HAPLN1: variants seen among roughly 807,000 people sequenced by gnomAD.
The protein encoded by HAPLN1 is Cartilage link protein.
Under a neutral mutation model 36.5 loss-of-function variants are expected in HAPLN1, and 13 were observed. The ratio of observed to expected loss-of-function variants is 0.36; its 90% CI spans 0.23 to 0.57. HAPLN1 has a LOEUF of 0.57. Among genes scored for constraint, HAPLN1 ranks in the 20% least tolerant of loss-of-function variants. HAPLN1 has a pLI of 0.83. For missense variants in HAPLN1, 407 were observed against 439.7 expected, an observed-to-expected ratio of 0.93 and a Z score of 0.66; for synonymous variants, 202 against 169.8, an observed-to-expected ratio of 1.19 and a Z score of -1.48.
Position 83,641,725 on chromosome 5 carries a change from C to A in HAPLN1, c.836G>T (p.Cys279Phe). The A allele has an allele frequency of 6.2e-7, 1 of 1,614,160 alleles. No individual in the cohort carries two copies. The highest frequency in any genetic ancestry group is 8.5e-7 in the Non-Finnish European group (1 of 1,180,040). ...TGCAATCTGAGCACCATCATTGAGA[C>A]AAGCTTGCACCGCTTCATCATAGGT... ...KLTYDEAVQA[C>F]LNDGAQIAKV... Residue 279 changes from cysteine to phenylalanine, a missense_variant, in exon 5 of 5, where the codon TGT (cysteine) becomes TTT (phenylalanine). Physicochemically the swap from Cys to Phe is radical, Grantham distance 205. Coordinates refer to ENST00000274341, the MANE Select transcript of HAPLN1 (RefSeq NM_001884.4).
At chr5:83,655,303 G>T (rs545659552) in intron 2 of HAPLN1, among the ~76,000 whole-genome samples, 1 of 152,226 alleles carries the variant, frequency 6.6e-6, no homozygotes, top group South Asian at 2.1e-4. Flanking sequence ...TTTTTCTGTG[G>T]TTAACTGTAA....
chr5:83,657,368 G>A (rs1371099334), intron 2 of HAPLN1, among the ~76,000 whole-genome samples: 2 of 152,164 alleles, frequency 1.3e-5, no homozygotes, highest in African/African-American at 4.8e-5. Flanking sequence ...AAAGTGCTGG[G>A]ATTATAGGCG....
chr5:83,706,220 A>G (rs942588775), intron 1 of HAPLN1, among the ~76,000 whole-genome samples: 2 of 152,144 alleles, frequency 1.3e-5, no homozygotes, highest in African/African-American at 2.4e-5. Flanking sequence ...CTCCTCCCCA[A>G]CTCATTCTAT....
In HAPLN1 at chr5:83,652,839, G is replaced by GAA. The variant is rs760495727; in HGVS notation, c.101-17_101-16dup. On this transcript the variant is annotated splice_polypyrimidine_tract_variant and intron_variant, in intron 2 of 4. Coordinates refer to ENST00000274341, the MANE Select transcript of HAPLN1 (RefSeq NM_001884.4). Reference sequence around the variant, plus strand: ...GCCATTTTCTGCTATAATTAAAAAGGAAAAAAAAAAGAAAATAACTATTAA... The same window carrying GAA: ...GCCATTTTCTGCTATAATTAAAAAGGAAAAAAAAAAAAGAAAATAACTATTAA... The GAA allele has an allele frequency of 7.8e-6, 11 of 1,413,878 alleles. No homozygotes were observed. Among genetic ancestry groups the GAA allele is most frequent in the African/African-American group, 1.5e-5 (1 of 66,584 alleles). 87.6% of individuals were successfully genotyped at this position (1,413,878 alleles called of 1,614,324 possible).
At chr5:83,686,779 A>C (rs2112615025) in intron 1 of HAPLN1, among the ~76,000 whole-genome samples, 1 of 152,294 alleles carries the variant, frequency 6.6e-6, no homozygotes, top group Non-Finnish European at 1.5e-5. Context: ...AATGGGTGGG[A>C]GTAGACAGTA....
At chr5:83,687,804 T>C (rs897691764) in intron 1 of HAPLN1, among the ~76,000 whole-genome samples, 4 of 152,192 alleles carry the variant, frequency 2.6e-5, no homozygotes, top group African/African-American at 9.7e-5. Context: ...GAATATCCCA[T>C]TGTTTTTGCT....
At chr5:83,693,302 C>A (rs889478288) in intron 1 of HAPLN1, among the ~76,000 whole-genome samples, 1 of 151,642 alleles carries the variant, frequency 6.6e-6, no homozygotes, top group Non-Finnish European at 1.5e-5. Context: ...ACTATAAAAC[C>A]TAAAGCAGCC....
In HAPLN1 at chr5:83,682,724, A is replaced by G. The variant is rs111512020; in HGVS notation, c.-26-9175T>C. 1.1e-3 allele frequency among the ~76,000 whole-genome samples: 162 copies of G among 152,326 alleles called. 2 individuals carry two copies. The highest frequency in any genetic ancestry group is 3.8e-3 in the African/African-American group (157 of 41,578). On this transcript the variant is annotated intron_variant, in intron 1 of 4. Transcript: ENST00000274341. ...CACAGCTCAAAAAAGGGAAAATACA[A>G]TATCTTCCAATTAATTTAGCAAATA...
intron 2 of HAPLN1, among the ~76,000 whole-genome samples, chr5:83,665,454 C>G (rs1220355289): frequency 6.6e-6 from 1 of 152,122 alleles, no homozygotes; most frequent in East Asian, 1.9e-4. Flanking sequence ...CAAGCTAAAG[C>G]AGGGAGGGAA....
intron 2 of HAPLN1, among the ~76,000 whole-genome samples, chr5:83,664,432 G>T (rs1042347980): frequency 6.6e-6 from 1 of 151,984 alleles, no homozygotes; most frequent in Non-Finnish European, 1.5e-5. Flanking sequence ...ACCCAGGCTG[G>T]AGTGCAGTGG....
chr5:83,658,505 T>G (rs1427527406), intron 2 of HAPLN1, among the ~76,000 whole-genome samples: 2 of 152,198 alleles, frequency 1.3e-5, no homozygotes, highest in East Asian at 1.9e-4. Flanking sequence ...TTATGTACAT[T>G]AAAGACACCA....
chr5:83,701,666 G>A (rs1751509154), intron 1 of HAPLN1, among the ~76,000 whole-genome samples: 1 of 152,174 alleles, frequency 6.6e-6, no homozygotes, highest in African/African-American at 2.4e-5. Context: ...GGCGGGGCAC[G>A]GTGACTCACG....
chr5:83,683,649 C>T (rs1393044812), intron 1 of HAPLN1, among the ~76,000 whole-genome samples: 1 of 152,082 alleles, frequency 6.6e-6, no homozygotes. Flanking sequence ...CCTAAAAATA[C>T]AGAACCTGGA....
At chr5:83,694,270 A>G (rs1465013362) in intron 1 of HAPLN1, among the ~76,000 whole-genome samples, 1 of 152,068 alleles carries the variant, frequency 6.6e-6, no homozygotes, top group Non-Finnish European at 1.5e-5. Context: ...ATAGCATATC[A>G]AAATCTCTGG....
At chr5:83,655,518 GT>G (rs1750185393) in intron 2 of HAPLN1, among the ~76,000 whole-genome samples, 2 of 41,654 alleles carry the variant, frequency 4.8e-5, no homozygotes, top group African/African-American at 1.9e-4. Context: ...TCACTTTGGG[GT>G]GTGTGTGTGT....
At position 83,641,198 on chromosome 5, in the gene HAPLN1, G is replaced by A. The variant is rs1162966115; in HGVS notation, c.*298C>T. 6.1e-6 allele frequency: 1 copy of A among 164,646 alleles called. No individual in the cohort carries two copies. Among genetic ancestry groups the A allele is most frequent in the Non-Finnish European group, 1.3e-5 (1 of 76,506 alleles). The allele number at this position is 164,646 out of a possible 1,614,324, so 10.2% of individuals were successfully genotyped here. On this transcript the variant is annotated 3_prime_UTR_variant, in exon 5 of 5. Coordinates refer to ENST00000274341, the MANE Select transcript of HAPLN1 (RefSeq NM_001884.4). ...TTAATTTAATCCTAGCAATTCTTAA[G>A]CTATTGCATGCCCCGTTCATGAAAG...
At chr5:83,675,530 C>T (rs143633352) in intron 1 of HAPLN1, among the ~76,000 whole-genome samples, 3 of 152,166 alleles carry the variant, frequency 2.0e-5, no homozygotes, top group African/African-American at 7.2e-5. Context: ...TTTATCCTAC[C>T]ACTGCAACCA....
chr5:83,656,752 C>T (rs1453002940), intron 2 of HAPLN1, among the ~76,000 whole-genome samples: 1 of 152,144 alleles, frequency 6.6e-6, no homozygotes, highest in Non-Finnish European at 1.5e-5. Flanking sequence ...CTGGTGAGAA[C>T]ACTAATGGGG....
chr5:83,700,228 C>A (rs1035456332), intron 1 of HAPLN1, among the ~76,000 whole-genome samples: 11 of 150,904 alleles, frequency 7.3e-5, no homozygotes, highest in African/African-American at 2.7e-4. Context: ...ACCACCACCA[C>A]CACCACAACA....
Sources: allele counts gnomAD v4.1 joint callset (sites outside exome capture counted in the v4.1 genomes callset), GRCh38; gene constraint gnomAD v4.1.1; transcripts MANE v1.5; gene names NCBI Gene and HGNC (gene_info 2026-07-23, HGNC 2026-07-21).